The following ZMYND8 variants were observed in gnomAD, a reference collection of about 807,000 sequenced individuals.
ZMYND8 encodes zinc finger MYND-type containing 8, also known as MYND-type zinc finger-containing chromatin reader ZMYND8.
ZMYND8 carries 37 observed loss-of-function variants against 140.8 expected under a neutral mutation model. The observed-to-expected ratio is 0.26, with a 90% CI of 0.20 to 0.35. The LOEUF is 0.35. Ranked by LOEUF, ZMYND8 falls within the 10% of genes least tolerant of loss-of-function variation. The pLI is 1.00. For missense variants in ZMYND8, 1,068 were observed against 1,570.0 expected (o/e 0.68, Z 5.40); for synonymous variants, 592 against 597.1 (o/e 0.99, Z 0.12).
chr20:47,326,447 A>G (rs1274683152), intron 2 of ZMYND8, among the ~76,000 whole-genome samples: 1 of 152,166 alleles, frequency 6.6e-6, no homozygotes, highest in African/African-American at 2.4e-5. Context: ...ATTATTTAGC[A>G]GTTCAAAAAA....
At chr20:47,231,367 C>T (rs2038456336) in intron 16 of ZMYND8, among the ~76,000 whole-genome samples, 1 of 152,120 alleles carries the variant, frequency 6.6e-6, no homozygotes, top group South Asian at 2.1e-4. Flanking sequence ...CTATCTGATG[C>T]CTCACTATGC....
chr20:47,313,190 G>A (rs964167022), intron 2 of ZMYND8, among the ~76,000 whole-genome samples: 7 of 150,110 alleles, frequency 4.7e-5, no homozygotes, highest in African/African-American at 1.5e-4. Context: ...TGATCACGTC[G>A]GAGCCTGGGT....
At chr20:47,268,515 G>A (rs1032153217) in intron 11 of ZMYND8, among the ~76,000 whole-genome samples, 3 of 151,112 alleles carry the variant, frequency 2.0e-5, no homozygotes, top group African/African-American at 7.3e-5. Flanking sequence ...GGATGGTCTC[G>A]ATCTCCTGAC....
intron 2 of ZMYND8, chr20:47,320,072 G>C (rs565928187): frequency 6.6e-6 from 1 of 152,304 alleles, no homozygotes; most frequent in South Asian, 2.1e-4. Context: ...GAAATCTCCG[G>C]TGGTAGTGGC....
chr20:47,291,714 G>T, intron 6 of ZMYND8, 82 bp downstream of exon 6: 2 of 1,043,384 alleles, frequency 1.9e-6, no homozygotes, highest in South Asian at 2.2e-5. Flanking sequence ...TCCAACTTGT[G>T]ATAGAGCATA....
chr20:47,276,498 G>C lies in ZMYND8; in HGVS notation c.1296C>G (p.Ser432Arg). The C allele has an allele frequency of 6.2e-7, 1 of 1,614,068 alleles. No homozygotes were observed. Among genetic ancestry groups the C allele is most frequent in the Non-Finnish European group, 8.5e-7 (1 of 1,180,006 alleles). ...DMTASPKILM[S>R]KPVLSGGTGR... ...CTGTGCCCCCACTCAGCACAGGCTT[G>C]CTCATCAGGATCTTGGGGGATGCCG... The change falls in exon 11 of 23, where the codon AGC (serine) becomes AGG (arginine). Residue 432 changes from serine to arginine, a missense_variant. Physicochemically the swap from Ser to Arg is moderately radical, Grantham distance 110. Transcript: ENST00000471951.
At chr20:47,226,978 T>C (rs1398805831) in intron 18 of ZMYND8, among the ~76,000 whole-genome samples, 1 of 152,150 alleles carries the variant, frequency 6.6e-6, no homozygotes, top group Non-Finnish European at 1.5e-5. Context: ...CATTATTTTA[T>C]TGTTGAGGCT....
At chr20:47,268,692 G>A (rs6063093) in intron 11 of ZMYND8, among the ~76,000 whole-genome samples, 40,979 of 104,660 alleles carry the variant, frequency 0.39, 5,616 homozygotes, top group Non-Finnish European at 0.39. Context: ...CAGGAGAATC[G>A]CCTGAACCTG....
intron 2 of ZMYND8, among the ~76,000 whole-genome samples, chr20:47,331,258 C>A (rs1601995923): frequency 6.6e-6 from 1 of 152,070 alleles, no homozygotes; most frequent in African/African-American, 2.4e-5. Context: ...TGGGAGGGTG[C>A]GGCAGATAGA....
chr20:47,300,175 C>T (rs961311440), intron 3 of ZMYND8, among the ~76,000 whole-genome samples: 2 of 152,130 alleles, frequency 1.3e-5, no homozygotes, highest in Non-Finnish European at 2.9e-5. Flanking sequence ...CTATCAGAAA[C>T]AAATACGAAA....
intron 5 of ZMYND8, among the ~76,000 whole-genome samples, chr20:47,294,067 G>T (rs954393422): frequency 3.9e-5 from 6 of 151,998 alleles, no homozygotes; most frequent in African/African-American, 1.5e-4. Flanking sequence ...CTCTTTTCTG[G>T]CGAGCCACAG....
intron 21 of ZMYND8, among the ~76,000 whole-genome samples, chr20:47,213,272 C>T (rs1382961965): frequency 2.6e-5 from 4 of 152,138 alleles, no homozygotes. Context: ...ACCAACAAAT[C>T]ACCTCTGAAA....
intron 10 of ZMYND8, among the ~76,000 whole-genome samples, chr20:47,279,335 T>C (rs1277798923): frequency 6.6e-6 from 1 of 151,920 alleles, no homozygotes. Context: ...CCGGATGTGG[T>C]GGCACGCCCC....
intron 1 of ZMYND8, chr20:47,353,802 G>A (rs1481810053): frequency 2.0e-5 from 3 of 152,282 alleles, no homozygotes; most frequent in Admixed American, 6.6e-5. Context: ...AGAAAAAGAA[G>A]GGGGGTTGGG....
rs112508450 is a variant in ZMYND8, at chr20:47,217,404, G to T, written c.3484+2854C>A. Among the ~76,000 whole-genome samples the T allele has an allele frequency of 3.4e-3, 513 of 152,312 alleles. 6 individuals carry two copies. Among genetic ancestry groups the T allele is most frequent in the African/African-American group, 0.01 (424 of 41,580 alleles). On this transcript the variant is annotated intron_variant, in intron 21 of 22. Transcript: ENST00000471951. ...CAAAGCTCAGTCCTTGTTAAAAAGAGAATCAAGAAATATGAGAGATGCTAA... is the reference window on the plus strand; with the variant it reads ...CAAAGCTCAGTCCTTGTTAAAAAGATAATCAAGAAATATGAGAGATGCTAA...
At chr20:47,351,675 A>G (rs2082794718) in intron 1 of ZMYND8, 2 of 985,106 alleles carry the variant, frequency 2.0e-6, no homozygotes, top group Non-Finnish European at 2.4e-6. Flanking sequence ...GGTGGGGGGG[A>G]ATGGTTAGCA....
At chr20:47,255,971 G>T (rs1385072205) in intron 12 of ZMYND8, among the ~76,000 whole-genome samples, 1 of 150,442 alleles carries the variant, frequency 6.6e-6, no homozygotes, top group South Asian at 2.1e-4. Flanking sequence ...TGCTTGGGAG[G>T]CTGAGGCAGG....
rs564555547 is a variant in ZMYND8, at chr20:47,236,382, G to A, written c.2800C>T (p.Pro934Ser). The change falls in exon 16 of 23, where the codon CCC becomes TCC. Residue 934 changes from proline (P) to serine (S), a missense_variant. Physicochemically the swap from Pro to Ser is moderately conservative, Grantham distance 74. Around this residue, in one of 10 missense-constraint regions of ZMYND8, gnomAD observed 383 missense variants for 431.2 expected, o/e 0.89. Transcript: ENST00000471951. The stretch of plus-strand genomic sequence containing the variant: ...ACATCAGCTGAGGCAGTGGCGATGG[G>A]CAGGTCAGCGTTGACTGAGGACACA... ...TLVSSVNADL[P>S]IATASADVAA... The A allele has an allele frequency of 6.2e-7, 1 of 1,614,218 alleles. No homozygotes were observed. The highest frequency in any genetic ancestry group is 1.7e-5 in the Admixed American group (1 of 60,020).
intron 2 of ZMYND8, among the ~76,000 whole-genome samples, chr20:47,339,577 C>T (rs1363215343): frequency 6.6e-6 from 1 of 151,386 alleles, no homozygotes; most frequent in Non-Finnish European, 1.5e-5. Context: ...CCCGGGTTCA[C>T]GCCATTCTCC....
Sources: allele counts gnomAD v4.1 joint callset (sites outside exome capture counted in the v4.1 genomes callset), GRCh38; gene constraint gnomAD v4.1.1; regional missense constraint gnomAD v4.1.1; transcripts MANE v1.5; gene names NCBI Gene and HGNC (gene_info 2026-07-23, HGNC 2026-07-21).